LHX5: variants seen among roughly 807,000 people sequenced by gnomAD.
LHX5 encodes the protein LIM/homeobox protein Lhx5.
A neutral mutation model predicts 30.6 loss-of-function variants in LHX5; 5 were observed. The observed-to-expected ratio is 0.16, with a 90% CI of 0.09 to 0.34. The LOEUF is 0.34. LHX5 is among the 10% of genes least tolerant of loss of function. The probability of loss-of-function intolerance (pLI) is 1.00; values close to 1 mark genes in which losing one functional copy is unlikely to be tolerated. For synonymous variants in LHX5, 266 were observed against 252.6 expected (o/e 1.05, Z -0.50); for missense variants, 458 against 570.6 (o/e 0.80, Z 2.01).
At position 113,469,353 on chromosome 12, in the gene LHX5, C is replaced by T. The variant is rs1218679012; in HGVS notation, c.174-8G>A. The T allele has an allele frequency of 3.1e-6, 5 of 1,608,966 alleles. No homozygotes were observed. Among genetic ancestry groups the T allele is most frequent in the Non-Finnish European group, 4.2e-6 (5 of 1,178,968 alleles). ...CATTTCGTGCCAAAGCGCCTGTGGA[C>T]ACAATGTGCCTGTCACTATGGGGTG... On this transcript the variant is annotated splice_polypyrimidine_tract_variant and splice_region_variant and intron_variant, in intron 1 of 4. Coordinates refer to ENST00000261731, the MANE Select transcript of LHX5 (RefSeq NM_022363.3).
Position 113,465,758 on chromosome 12 carries a change from C to T in LHX5, c.841+1498G>A, listed in dbSNP as rs1209305599. Among the ~76,000 whole-genome samples, 1 of 152,184 alleles carries T rather than the reference C, an allele frequency of 6.6e-6. No homozygotes were observed. Among genetic ancestry groups the T allele is most frequent in the Non-Finnish European group, 1.5e-5 (1 of 68,024 alleles). Reference sequence around the variant, plus strand: ...CCCCACTACCTCGCTGCTCCGGGCCCAGATTTTGTAGGGAAAGAGGCAAAT... The same window carrying T: ...CCCCACTACCTCGCTGCTCCGGGCCTAGATTTTGTAGGGAAAGAGGCAAAT... On this transcript the variant is annotated intron_variant, in intron 4 of 4. Transcript: ENST00000261731. This position sits in a 1 kb window ranked among gnomAD's most constrained non-coding sequence, Gnocchi z 6.7.
Position 113,463,684 on chromosome 12 carries a change from A to T in LHX5, c.842-127T>A. 3 of 1,002,600 alleles carry T rather than the reference A, an allele frequency of 3.0e-6. No homozygotes were observed. Among genetic ancestry groups the T allele is most frequent in the Non-Finnish European group, 4.2e-6 (3 of 710,450 alleles). 62.1% of individuals were successfully genotyped at this position (1,002,600 alleles called of 1,614,324 possible). ...GAGCGCGCGACACCGACCCAAGGTT[A>T]GAGAGACCTGCGGAGGCCGGCGCCC... On this transcript the variant is annotated intron_variant, in intron 4 of 4. Transcript: ENST00000261731. The surrounding 1 kb of genome is among the most constrained non-coding windows in gnomAD (Gnocchi z 6.7).
rs774007814 is a variant in LHX5 at position 113,471,505 on chromosome 12, G to T, written c.-7C>A. The T allele has an allele frequency of 1.3e-6, 2 of 1,582,690 alleles. No individual in the cohort carries two copies. Among genetic ancestry groups the T allele is most frequent in the African/African-American group, 2.7e-5 (2 of 74,276 alleles). Reference sequence around the variant, plus strand: ...CGGCGCAGTGCACCATCATAGCCCCGCGCCCCGGCGGCTTCGGCCGCCTTG... The same window carrying T: ...CGGCGCAGTGCACCATCATAGCCCCTCGCCCCGGCGGCTTCGGCCGCCTTG... On this transcript the variant is annotated 5_prime_UTR_variant, in exon 1 of 5. Coordinates refer to ENST00000261731, the MANE Select transcript of LHX5 (RefSeq NM_022363.3).
rs1565887344 is a variant in LHX5, at chr12:113,468,166, C to T, written c.636G>A (p.Gln212=). Residue 212 remains glutamine (Q), a synonymous_variant, in exon 3 of 5, where the codon CAG becomes CAA. Coordinates refer to ENST00000261731, the MANE Select transcript of LHX5 (RefSeq NM_022363.3). ...TPKPTRHIRE[Q]LAQETGLNMR... The stretch of plus-strand genomic sequence containing the variant: ...TGTTGAGGCCGGTCTCCTGCGCCAG[C>T]TGCTCGCGGATGTGGCGCGTGGGCT... 1.2e-6 allele frequency: 2 copies of T among 1,609,446 alleles called. No homozygotes were observed. The highest frequency in any genetic ancestry group is 2.2e-5 in the East Asian group (1 of 44,758).
chr12:113,465,016 A>G lies in LHX5; in HGVS notation c.842-1459T>C, dbSNP rs186935186. 4.9e-4 allele frequency among the ~76,000 whole-genome samples: 74 copies of G among 152,212 alleles called. No homozygotes were observed. The East Asian group carries it at 0.014, about 29-fold the overall frequency. ...GTACGGCGGGAAAACCAGCGAGTCC[A>G]GAAGCCTGAGTCTCTTCTGCAAATC... On this transcript the variant is annotated intron_variant, in intron 4 of 4. Coordinates refer to ENST00000261731, the MANE Select transcript of LHX5 (RefSeq NM_022363.3). This position sits in a 1 kb window ranked among gnomAD's most constrained non-coding sequence, Gnocchi z 6.7.
intron 1 of LHX5, among the ~76,000 whole-genome samples, chr12:113,469,842 T>G (rs898430897): frequency 6.6e-6 from 1 of 152,200 alleles, no homozygotes; most frequent in South Asian, 2.1e-4. Context: ...TGGGGAGCCC[T>G]TCTCCTAGGC....
chr12:113,463,182 C>T lies in LHX5; in HGVS notation c.*8G>A. The T allele has an allele frequency of 1.3e-6, 2 of 1,500,070 alleles. No individual in the cohort carries two copies. The highest frequency in any genetic ancestry group is 1.5e-5 in the African/African-American group (1 of 68,634). 92.9% of individuals were successfully genotyped at this position (1,500,070 alleles called of 1,614,324 possible). A position where few individuals can be genotyped will look rare whatever the true frequency, so the allele number is the denominator to read the frequency against. On this transcript the variant is annotated 3_prime_UTR_variant, in exon 5 of 5. Transcript: ENST00000261731. This position sits in a 1 kb window ranked among gnomAD's most constrained non-coding sequence, Gnocchi z 6.7. ...CGGGGGCCGAGCGCGGGGGGCGGCC[C>T]GGCGGCCTTACCACACGGCGGCTTC...
Position 113,467,495 on chromosome 12 carries a change from G to C in LHX5, c.676-74C>G. ...CCCCCCTCTTCTCCCTTCCCTGACTGGGCTGCCCCTGCTGGGTCCTTGCGC... is the reference window on the plus strand; with the variant it reads ...CCCCCCTCTTCTCCCTTCCCTGACTCGGCTGCCCCTGCTGGGTCCTTGCGC... On this transcript the variant is annotated intron_variant, in intron 3 of 4. Transcript: ENST00000261731. The surrounding 1 kb of genome is among the most constrained non-coding windows in gnomAD (Gnocchi z 6.3). 2 of 1,313,732 alleles carry C rather than the reference G, an allele frequency of 1.5e-6. No individual in the cohort carries two copies. Among genetic ancestry groups the C allele is most frequent in the Non-Finnish European group, 2.0e-6 (2 of 1,000,232 alleles). 81.4% of individuals were successfully genotyped at this position (1,313,732 alleles called of 1,614,324 possible). A position where few individuals can be genotyped will look rare whatever the true frequency, so the allele number is the denominator to read the frequency against.
rs1226253331 is a variant in LHX5, at chr12:113,465,625, G to T, written c.841+1631C>A. ...AGTATCCAGCTCCCCACCTCATCCA[G>T]CGCGCAGGGAGAGGAGGCGGTGGGA... On this transcript the variant is annotated intron_variant, in intron 4 of 4. Transcript: ENST00000261731. This position sits in a 1 kb window ranked among gnomAD's most constrained non-coding sequence, Gnocchi z 6.7. Among the ~76,000 whole-genome samples the T allele has an allele frequency of 6.6e-6, 1 of 152,234 alleles. No individual in the cohort carries two copies. The highest frequency in any genetic ancestry group is 1.5e-5 in the Non-Finnish European group (1 of 68,030).
rs1401374467 is a variant in LHX5, at chr12:113,463,329, A to C, written c.1070T>G (p.Leu357Arg). 1 of 1,538,374 alleles carries C rather than the reference A, an allele frequency of 6.5e-7. No homozygotes were observed. The highest frequency in any genetic ancestry group is 8.7e-7 in the Non-Finnish European group (1 of 1,143,422). ...HPDTPSPEPG[L>R]PGTLHPMPGE... is the part of the protein sequence containing the mutation. ...GGGCATGGGGTGCAGCGTGCCCGGC[A>C]GGCCTGGCTCGGGGCTCGGTGTGTC... The change falls in exon 5 of 5, where the codon CTG becomes CGG. Residue 357 changes from leucine (L) to arginine (R), a missense_variant. Transcript: ENST00000261731. This position sits in a 1 kb window ranked among gnomAD's most constrained non-coding sequence, Gnocchi z 6.7.
In LHX5 at chr12:113,465,242, G is replaced by A. The variant is rs1338709470; in HGVS notation, c.842-1685C>T. Reference sequence around the variant, plus strand: ...TAATTTAATTCTCCCCGAAAGTGAAGGGGAAGATGGGGAGCGGCAAATTTG... The same window carrying A: ...TAATTTAATTCTCCCCGAAAGTGAAAGGGAAGATGGGGAGCGGCAAATTTG... On this transcript the variant is annotated intron_variant, in intron 4 of 4. Transcript: ENST00000261731. This position sits in a 1 kb window ranked among gnomAD's most constrained non-coding sequence, Gnocchi z 6.7. Among the ~76,000 whole-genome samples the A allele has an allele frequency of 2.6e-5, 4 of 152,250 alleles. No homozygotes were observed. The highest frequency in any genetic ancestry group is 9.6e-5 in the African/African-American group (4 of 41,474).
chr12:113,463,415 C>T lies in LHX5; in HGVS notation c.984G>A (p.Pro328=). 1.3e-6 allele frequency: 2 copies of T among 1,553,504 alleles called. No individual in the cohort carries two copies. The highest frequency in any genetic ancestry group is 1.7e-6 in the Non-Finnish European group (2 of 1,151,316). Residue 328 remains proline (P), a synonymous_variant, in exon 5 of 5, where the codon CCG becomes CCA. Coordinates refer to ENST00000261731, the MANE Select transcript of LHX5 (RefSeq NM_022363.3). The surrounding 1 kb of genome is among the most constrained non-coding windows in gnomAD (Gnocchi z 6.7). ...PGSTPLGALE[P]PLAGPHAADN... ...CCGCGGCGTGCGGGCCGGCGAGCGG[C>T]GGTTCCAGCGCTCCCAGCGGCGTCG...
Position 113,466,340 on chromosome 12 carries a change from G to T in LHX5, c.841+916C>A, listed in dbSNP as rs752553845. Among the ~76,000 whole-genome samples, 1 of 152,158 alleles carries T rather than the reference G, an allele frequency of 6.6e-6. No homozygotes were observed. The highest frequency in any genetic ancestry group is 2.4e-5 in the African/African-American group (1 of 41,430). On this transcript the variant is annotated intron_variant, in intron 4 of 4. Transcript: ENST00000261731. This position sits in a 1 kb window ranked among gnomAD's most constrained non-coding sequence, Gnocchi z 6.5. ...GCAATGCGGCTCAGGGTAAGGAGCT[G>T]AAAAAATCGGATAGGGGGAGTTGGG...
In LHX5 at chr12:113,463,642, G is replaced by C; in HGVS notation, c.842-85C>G. ...GACCCGGGACCCGGGGAGGGGACCC[G>C]GGCGGGCGAGAGAGGGGAGCGCGCG... On this transcript the variant is annotated intron_variant, in intron 4 of 4. Coordinates refer to ENST00000261731, the MANE Select transcript of LHX5 (RefSeq NM_022363.3). This position sits in a 1 kb window ranked among gnomAD's most constrained non-coding sequence, Gnocchi z 6.7. The C allele has an allele frequency of 7.2e-7, 1 of 1,393,668 alleles. No individual in the cohort carries two copies. Among genetic ancestry groups the C allele is most frequent in the Non-Finnish European group, 9.5e-7 (1 of 1,057,998 alleles). The allele number at this position is 1,393,668 out of a possible 1,614,324, so 86.3% of individuals were successfully genotyped here. A position where few individuals can be genotyped will look rare whatever the true frequency, so the allele number is the denominator to read the frequency against.
rs1366950796 is a variant in LHX5 at position 113,466,385 on chromosome 12, T to G, written c.841+871A>C. Among the ~76,000 whole-genome samples the G allele has an allele frequency of 6.6e-6, 1 of 152,108 alleles. No individual in the cohort carries two copies. The highest frequency in any genetic ancestry group is 1.9e-4 in the East Asian group (1 of 5,170). ...GTTGGGATGGCTCACCAATCCAGTG[T>G]GAGGGAAGTGAGAGGAGGAAAAGCT... On this transcript the variant is annotated intron_variant, in intron 4 of 4. Transcript: ENST00000261731. This position sits in a 1 kb window ranked among gnomAD's most constrained non-coding sequence, Gnocchi z 6.5.
chr12:113,471,447 G>T lies in LHX5; in HGVS notation c.52C>A (p.Leu18Met), dbSNP rs755426543. ...CERPILDRFLLNVLDRAWHIK... is the reference protein window; with the variant it reads ...CERPILDRFLMNVLDRAWHIK... ...TGCCACGCGCGGTCCAGCACGTTCAGCAGAAAGCGGTCGAGGATGGGCCGC... is the reference window on the plus strand; with the variant it reads ...TGCCACGCGCGGTCCAGCACGTTCATCAGAAAGCGGTCGAGGATGGGCCGC... The change falls in exon 1 of 5, where the codon CTG (leucine) becomes ATG (methionine). Residue 18 changes from leucine to methionine, a missense_variant. Transcript: ENST00000261731. 1.9e-6 allele frequency: 3 copies of T among 1,612,298 alleles called. No individual in the cohort carries two copies. Among genetic ancestry groups the T allele is most frequent in the South Asian group, 1.1e-5 (1 of 90,698 alleles).
At position 113,471,555 on chromosome 12, in the gene LHX5, C is replaced by T; in HGVS notation, c.-57G>A. The T allele has an allele frequency of 1.4e-6, 2 of 1,472,266 alleles. No homozygotes were observed. The highest frequency in any genetic ancestry group is 1.3e-5 in the South Asian group (1 of 78,788). 91.2% of individuals were successfully genotyped at this position (1,472,266 alleles called of 1,614,324 possible). A position where few individuals can be genotyped will look rare whatever the true frequency, so the allele number is the denominator to read the frequency against. ...GCCCTCCCTTTGGGCCCCTGGCCCT[C>T]GGGCCTGCCGGGCCCTCCGCTGCCC... On this transcript the variant is annotated 5_prime_UTR_variant, in exon 1 of 5. Coordinates refer to ENST00000261731, the MANE Select transcript of LHX5 (RefSeq NM_022363.3).
At chr12:113,469,415 C>T in intron 1 of LHX5, 70 bp from the exon 2 acceptor site, 1 of 1,422,120 alleles carries the variant, frequency 7.0e-7, no homozygotes. Context: ...CTGACCTCTT[C>T]CCACCCGACC....
chr12:113,464,117 CAG>C lies in LHX5; in HGVS notation c.842-562_842-561del, dbSNP rs1446952676. Among the ~76,000 whole-genome samples the C allele has an allele frequency of 6.6e-6, 1 of 152,128 alleles. No homozygotes were observed. Among genetic ancestry groups the C allele is most frequent in the Non-Finnish European group, 1.5e-5 (1 of 68,008 alleles). On this transcript the variant is annotated intron_variant, in intron 4 of 4. Coordinates refer to ENST00000261731, the MANE Select transcript of LHX5 (RefSeq NM_022363.3). This position sits in a 1 kb window ranked among gnomAD's most constrained non-coding sequence, Gnocchi z 6.2. ...GGGTCGCGGAGGAGTCGAGGAGACG[CAG>C]AGAGAGGAAAGACGGCCGCGGTTAG...
Sources: allele counts gnomAD v4.1 joint callset (sites outside exome capture counted in the v4.1 genomes callset), GRCh38; gene constraint gnomAD v4.1.1; non-coding constraint Gnocchi (gnomAD v3.1); transcripts MANE v1.5; gene names NCBI Gene and HGNC (gene_info 2026-07-23, HGNC 2026-07-21).